IL6ST: variants seen among roughly 807,000 people sequenced by gnomAD.
IL6ST encodes the protein interleukin-6 receptor subunit beta.
Under a neutral mutation model 91.3 loss-of-function variants are expected in IL6ST, and 24 were observed. That is an observed-to-expected ratio of 0.26 (90% CI 0.19 to 0.37). The LOEUF (loss-of-function observed/expected upper bound fraction) is 0.37, where lower values mean the gene tolerates loss of function less well. Among genes scored for constraint, IL6ST ranks in the 10% least tolerant of loss-of-function variants. IL6ST has a pLI of 1.00. For missense variants in IL6ST, 914 were observed against 1,078.5 expected, an observed-to-expected ratio of 0.85 and a Z score of 2.14; for synonymous variants, 351 against 373.6, an observed-to-expected ratio of 0.94 and a Z score of 0.70.
In IL6ST at chr5:55,936,207, G is replaced by A. The variant is rs2112637010; in HGVS notation, c.*4875C>T. 4.4e-6 allele frequency: 1 copy of A among 227,912 alleles called. No individual in the cohort carries two copies. Among genetic ancestry groups the A allele is most frequent in the Admixed American group, 5.7e-5 (1 of 17,574 alleles). 14.1% of individuals were successfully genotyped at this position (227,912 alleles called of 1,614,324 possible). ...TAGTAACCTCAAGAAGTAGCAGGAG[G>A]ATGCCATGTATCAATCTTGAACTTC... On this transcript the variant is annotated 3_prime_UTR_variant, in exon 17 of 17. Coordinates refer to ENST00000381298, the MANE Select transcript of IL6ST (RefSeq NM_002184.4).
chr5:55,952,082 C>T lies in IL6ST; in HGVS notation c.1553-7G>A. On this transcript the variant is annotated splice_region_variant and splice_polypyrimidine_tract_variant and intron_variant, in intron 12 of 16. Coordinates refer to ENST00000381298, the MANE Select transcript of IL6ST (RefSeq NM_002184.4). ...GTAGGTCCTTTGGAAGGTGCTGTAA[C>T]AGAGTGAACACATTTGCTAACTGAA... 6.2e-7 allele frequency: 1 copy of T among 1,605,032 alleles called. No individual in the cohort carries two copies. The highest frequency in any genetic ancestry group is 8.5e-7 in the Non-Finnish European group (1 of 1,177,466).
intron 2 of IL6ST, among the ~76,000 whole-genome samples, chr5:55,981,970 T>A (rs566305034): frequency 6.6e-6 from 1 of 152,336 alleles, no homozygotes; most frequent in East Asian, 1.9e-4. Flanking sequence ...AGGAGCTAGA[T>A]GATGTATAAC....
At chr5:55,975,143 T>C (rs1230297794) in intron 3 of IL6ST, among the ~76,000 whole-genome samples, 1 of 152,034 alleles carries the variant, frequency 6.6e-6, no homozygotes, top group Non-Finnish European at 1.5e-5. Flanking sequence ...ATGGTTTGAA[T>C]CTGTGTCCCC....
At position 55,935,716 on chromosome 5, in the gene IL6ST, A is replaced by T. The variant is rs2112635057; in HGVS notation, c.*5366T>A. The T allele has an allele frequency of 9.2e-6, 2 of 217,620 alleles. No homozygotes were observed. Among genetic ancestry groups the T allele is most frequent in the East Asian group, 1.4e-4 (2 of 14,782 alleles). 13.5% of individuals were successfully genotyped at this position (217,620 alleles called of 1,614,324 possible). The stretch of plus-strand genomic sequence containing the variant: ...TATGGAAGAGCCTATACGCAGTTGT[A>T]ATATATTTCGTATTTTGAAAGTGTA... On this transcript the variant is annotated 3_prime_UTR_variant, in exon 17 of 17. Coordinates refer to ENST00000381298, the MANE Select transcript of IL6ST (RefSeq NM_002184.4).
chr5:55,960,674 T>A lies in IL6ST; in HGVS notation c.814-113A>T, dbSNP rs367556482. 39 of 950,520 alleles carry A rather than the reference T, an allele frequency of 4.1e-5. No homozygotes were observed. The African/African-American group carries it at 6.3e-4, about 15-fold the overall frequency. The allele number at this position is 950,520 out of a possible 1,614,324, so 58.9% of individuals were successfully genotyped here. A position where few individuals can be genotyped will look rare whatever the true frequency, so the allele number is the denominator to read the frequency against. ...GCACAGCCTTGCTCTGTTGCCCAGG[T>A]TGGAGTGCAGTGGTGCGATCTTGGC... is the stretch of plus-strand genomic sequence containing the variant. On this transcript the variant is annotated intron_variant, in intron 7 of 16. Coordinates refer to ENST00000381298, the MANE Select transcript of IL6ST (RefSeq NM_002184.4).
chr5:55,953,520 G>A (rs1174083592), intron 11 of IL6ST, among the ~76,000 whole-genome samples: 1 of 152,190 alleles, frequency 6.6e-6, no homozygotes, highest in African/African-American at 2.4e-5. Context: ...CTCCCAAATG[G>A]CTGGGATTAC....
intron 1 of IL6ST, among the ~76,000 whole-genome samples, chr5:55,994,392 A>T (rs190619014): frequency 1.2e-4 from 18 of 152,330 alleles, no homozygotes; most frequent in Non-Finnish European, 1.2e-4. Flanking sequence ...GGGGAAGGGA[A>T]ATCCACCTCG....
At chr5:55,970,586 G>T (rs1252226840) in intron 3 of IL6ST, among the ~76,000 whole-genome samples, 2 of 152,118 alleles carry the variant, frequency 1.3e-5, no homozygotes, top group South Asian at 4.1e-4. Flanking sequence ...TATTCGGGAG[G>T]CTGAAGTGGG....
In IL6ST at chr5:55,963,453, T is replaced by C; in HGVS notation, c.712A>G (p.Ser238Gly). ...TTGGTCCATGTCAATTTTAAGATACTAGACAGTTCCTCTGAGTTGATCACT... is the reference window on the plus strand; with the variant it reads ...TTGGTCCATGTCAATTTTAAGATACCAGACAGTTCCTCTGAGTTGATCACT... ...LSVINSEELS[S>G]ILKLTWTNPS... Residue 238 changes from serine (S) to glycine (G), a missense_variant, in exon 7 of 17, where the codon AGT (serine) becomes GGT (glycine). Coordinates refer to ENST00000381298, the MANE Select transcript of IL6ST (RefSeq NM_002184.4). The C allele has an allele frequency of 6.2e-7, 1 of 1,608,474 alleles. No individual in the cohort carries two copies. The highest frequency in any genetic ancestry group is 8.5e-7 in the Non-Finnish European group (1 of 1,175,512).
intron 11 of IL6ST, among the ~76,000 whole-genome samples, chr5:55,953,328 T>C (rs1751757116): frequency 6.6e-6 from 1 of 152,250 alleles, no homozygotes; most frequent in Non-Finnish European, 1.5e-5. Flanking sequence ...AATGTGATGC[T>C]TTCAGGGTTA....
At chr5:55,945,891 C>T (rs1306497764) in intron 15 of IL6ST, among the ~76,000 whole-genome samples, 2 of 151,766 alleles carry the variant, frequency 1.3e-5, no homozygotes, top group Admixed American at 6.6e-5. Context: ...CCTTGTGAGC[C>T]GCCCGCCTTG....
chr5:55,944,178 A>T (rs1900173), intron 15 of IL6ST, among the ~76,000 whole-genome samples: 26,951 of 152,140 alleles, frequency 0.18, 4,441 homozygotes, highest in African/African-American at 0.44. Flanking sequence ...TTAGGAACAA[A>T]GCAATGCTCT....
At chr5:55,948,102 C>T (rs1198207660) in intron 14 of IL6ST, among the ~76,000 whole-genome samples, 3 of 152,002 alleles carry the variant, frequency 2.0e-5, no homozygotes, top group African/African-American at 7.3e-5. Context: ...AGTTATTTAC[C>T]ATTTTTCAAA....
chr5:55,941,943 T>G, intron 16 of IL6ST, 124 bp from the exon 17 acceptor site: 3 of 756,404 alleles, frequency 4.0e-6, no homozygotes, highest in South Asian at 3.6e-5. Context: ...ACTAAGTCAC[T>G]GTCAACTACC....
In IL6ST at chr5:55,966,596, T is replaced by A. The variant is rs535803686; in HGVS notation, c.491+1680A>T. Among the ~76,000 whole-genome samples the A allele has an allele frequency of 3.3e-5, 5 of 152,312 alleles. No homozygotes were observed. The East Asian group carries it at 9.6e-4, about 29-fold the overall frequency. On this transcript the variant is annotated intron_variant, in intron 5 of 16. Transcript: ENST00000381298. The stretch of plus-strand genomic sequence containing the variant: ...GTATATTAATGACTGTAACTCACTA[T>A]GAAATACTGAAGTGATTAAGGGTGA...
chr5:55,955,450 G>GA (rs940863521), intron 10 of IL6ST, among the ~76,000 whole-genome samples: 17 of 146,548 alleles, frequency 1.2e-4, no homozygotes, highest in East Asian at 3.9e-4. Context: ...GTCTCAAAAA[G>GA]AAAAAAAAAA....
chr5:55,960,459 C>T lies in IL6ST; in HGVS notation c.916G>A (p.Gly306Ser), dbSNP rs2111745287. The T allele has an allele frequency of 6.2e-7, 1 of 1,613,948 alleles. No individual in the cohort carries two copies. The highest frequency in any genetic ancestry group is 8.5e-7 in the Non-Finnish European group (1 of 1,179,878). Reference protein sequence around the residue: ...VFRIRCMKEDGKGYWSDWSEE... With the variant: ...VFRIRCMKEDSKGYWSDWSEE... ...CTCCAGTCACTCCAGTATCCCTTAC[C>T]ATCTTCCTTCATACAGCGAATCCTA... Residue 306 changes from glycine to serine, a missense_variant, in exon 8 of 17, where the codon GGT (glycine) becomes AGT (serine). Transcript: ENST00000381298.
At chr5:55,955,975 AACC>A (rs1337417821) in intron 10 of IL6ST, 47 bp downstream of exon 10, 13 of 1,290,706 alleles carry the variant, frequency 1.0e-5, no homozygotes, top group Non-Finnish European at 1.5e-5. Context: ...GTCCATACCT[AACC>A]ACCATTTTTC....
At chr5:55,948,161 G>T (rs1304847755) in intron 14 of IL6ST, among the ~76,000 whole-genome samples, 1 of 152,092 alleles carries the variant, frequency 6.6e-6, no homozygotes, top group Non-Finnish European at 1.5e-5. Flanking sequence ...GCTGCTCAAT[G>T]GGCATGAGGA....
Sources: gnomAD v4.1 joint callset for allele counts (sites outside exome capture counted in the v4.1 genomes callset) on GRCh38, gnomAD v4.1.1 for gene constraint, MANE v1.5 for transcripts, NCBI Gene and HGNC (gene_info 2026-07-23, HGNC 2026-07-21) for gene names.